ADAMTS20: variants seen among roughly 807,000 people sequenced by gnomAD.
ADAMTS20 encodes A disintegrin and metalloproteinase with thrombospondin motifs 20.
ADAMTS20 carries 225 observed loss-of-function variants against 260.1 expected under a neutral mutation model. The ratio of observed to expected loss-of-function variants is 0.87; its 90% CI spans 0.78 to 0.97. ADAMTS20 has a LOEUF of 0.97. Ranked by LOEUF, ADAMTS20 falls within the 50% of genes least tolerant of loss-of-function variation. The pLI is 0.00. For synonymous variants in ADAMTS20, 802 were observed against 769.5 expected, an observed-to-expected ratio of 1.04 and a Z score of -0.70; for missense variants, 2,400 against 2,337.7, an observed-to-expected ratio of 1.03 and a Z score of -0.55.
chr12:43,537,759 C>T (rs535101324), intron 2 of ADAMTS20, among the ~76,000 whole-genome samples: 3 of 152,272 alleles, frequency 2.0e-5, no homozygotes, highest in Admixed American at 2.0e-4. Context: ...CTACAAATAA[C>T]ATGCAGTGTA....
intron 18 of ADAMTS20, among the ~76,000 whole-genome samples, chr12:43,436,432 G>A (rs552917548): frequency 9.3e-5 from 14 of 151,288 alleles, no homozygotes; most frequent in South Asian, 2.1e-4. Context: ...TAGTAGTCAC[G>A]TTAAAAAAAA....
intron 2 of ADAMTS20, among the ~76,000 whole-genome samples, chr12:43,535,600 ATT>A (rs1943284238): frequency 6.6e-6 from 1 of 152,188 alleles, no homozygotes; most frequent in Non-Finnish European, 1.5e-5. Context: ...ATCTAAAAAT[ATT>A]GTTTATGCTT....
At chr12:43,405,417 CTAATAATAATAATA>C (rs1411603752) in intron 28 of ADAMTS20, among the ~76,000 whole-genome samples, 5 of 135,764 alleles carry the variant, frequency 3.7e-5, no homozygotes, top group African/African-American at 1.1e-4. Flanking sequence ...GACGTCTTCT[CTAATAATAATAATA>C]ATAATAATAA....
chr12:43,505,326 C>T (rs535988622), intron 3 of ADAMTS20, among the ~76,000 whole-genome samples: 1 of 152,108 alleles, frequency 6.6e-6, no homozygotes, highest in Non-Finnish European at 1.5e-5. Flanking sequence ...GTTCAAAGGA[C>T]ACAATCAACA....
intron 29 of ADAMTS20, among the ~76,000 whole-genome samples, chr12:43,396,514 A>C (rs2137247889): frequency 6.6e-6 from 1 of 152,288 alleles, no homozygotes; most frequent in African/African-American, 2.4e-5. Context: ...TTTTTATAGA[A>C]TAAATCAAAA....
At chr12:43,431,828 A>G (rs771794841) in intron 21 of ADAMTS20, among the ~76,000 whole-genome samples, 1 of 152,018 alleles carries the variant, frequency 6.6e-6, no homozygotes, top group Non-Finnish European at 1.5e-5. Flanking sequence ...TACTAGTCAG[A>G]TACTGTAAAT....
chr12:43,537,665 C>A (rs776305896), intron 2 of ADAMTS20, among the ~76,000 whole-genome samples: 5 of 152,124 alleles, frequency 3.3e-5, no homozygotes, highest in African/African-American at 4.8e-5. Flanking sequence ...CCACCCCACA[C>A]ACCCTCTCTC....
intron 28 of ADAMTS20, among the ~76,000 whole-genome samples, chr12:43,419,774 A>T (rs953331690): frequency 1.3e-5 from 2 of 152,022 alleles, no homozygotes; most frequent in Admixed American, 1.3e-4. Context: ...CTCTTTTATG[A>T]TCTCACCAAT....
At chr12:43,405,218 C>T (rs951929431) in intron 28 of ADAMTS20, among the ~76,000 whole-genome samples, 9 of 95,218 alleles carry the variant, frequency 9.5e-5, no homozygotes, top group Non-Finnish European at 1.8e-4. Context: ...CAAAATGAGA[C>T]CTCATCTCTA....
At chr12:43,389,357 AG>A in intron 29 of ADAMTS20, among the ~76,000 whole-genome samples, 1 of 152,374 alleles carries the variant, frequency 6.6e-6, no homozygotes, top group African/African-American at 2.4e-5. Context: ...ATTCCAAAAA[AG>A]AAAAGTAGAA....
chr12:43,375,611 TAATATTA>T, intron 35 of ADAMTS20, 99 bp from the exon 36 acceptor site: 1 of 1,317,342 alleles, frequency 7.6e-7, no homozygotes, highest in South Asian at 1.3e-5. Context: ...TCCTGCTCTT[TAATATTA>T]TAGTGTCAAC....
intron 4 of ADAMTS20, among the ~76,000 whole-genome samples, chr12:43,496,082 T>A (rs56908174): frequency 0.04 from 6,055 of 152,246 alleles, 375 homozygotes; most frequent in African/African-American, 0.14. Context: ...CTCTCCTTCC[T>A]AAAACTACCA....
chr12:43,372,619 T>G lies in ADAMTS20; in HGVS notation c.5446+2760A>C, dbSNP rs974685695. On this transcript the variant is annotated intron_variant, in intron 36 of 38. Coordinates refer to ENST00000389420, the MANE Select transcript of ADAMTS20 (RefSeq NM_025003.5). Reference sequence around the variant, plus strand: ...GATTATGACGAAAGAAATAAAATGTTTCTCTATGAAGAATTTAAATGATTC... The same window carrying G: ...GATTATGACGAAAGAAATAAAATGTGTCTCTATGAAGAATTTAAATGATTC... 1.2e-4 allele frequency among the ~76,000 whole-genome samples: 18 copies of G among 152,198 alleles called. 1 individual carries two copies. Among genetic ancestry groups the G allele is most frequent in the African/African-American group, 4.1e-4 (17 of 41,456 alleles).
chr12:43,460,977 TATATA>T (rs1942049467), intron 11 of ADAMTS20, among the ~76,000 whole-genome samples: 1 of 52,076 alleles, frequency 1.9e-5, no homozygotes, highest in Non-Finnish European at 3.8e-5. Flanking sequence ...TATATATATA[TATATA>T]TATATATTTT....
chr12:43,388,798 C>T (rs1170604076), intron 29 of ADAMTS20, among the ~76,000 whole-genome samples: 1 of 152,114 alleles, frequency 6.6e-6, no homozygotes, highest in Non-Finnish European at 1.5e-5. Flanking sequence ...TCTCACACAC[C>T]AGAAATTTAC....
At chr12:43,513,592 C>T (rs1942954498) in intron 3 of ADAMTS20, among the ~76,000 whole-genome samples, 1 of 152,096 alleles carries the variant, frequency 6.6e-6, no homozygotes, top group Admixed American at 6.6e-5. Flanking sequence ...AAACATGCTG[C>T]TATAAAAACA....
chr12:43,373,230 C>T (rs184106266), intron 36 of ADAMTS20, among the ~76,000 whole-genome samples: 168 of 152,328 alleles, frequency 1.1e-3, no homozygotes, highest in Non-Finnish European at 2.1e-3. Flanking sequence ...ACATTGCATG[C>T]TTGCATGCTC....
intron 3 of ADAMTS20, among the ~76,000 whole-genome samples, chr12:43,513,799 A>G (rs1942957501): frequency 6.6e-6 from 1 of 151,956 alleles, no homozygotes; most frequent in East Asian, 1.9e-4. Context: ...TTCTCAGCAA[A>G]CTATTGCAAG....
intron 7 of ADAMTS20, among the ~76,000 whole-genome samples, chr12:43,480,132 G>T (rs114659939): frequency 0.013 from 2,009 of 152,182 alleles, 46 homozygotes; most frequent in African/African-American, 0.046. Flanking sequence ...CTCCATAAAT[G>T]GTTAACCTTC....
Sources: allele counts gnomAD v4.1 joint callset (sites outside exome capture counted in the v4.1 genomes callset), GRCh38; gene constraint gnomAD v4.1.1; transcripts MANE v1.5; gene names NCBI Gene and HGNC (gene_info 2026-07-23, HGNC 2026-07-21).